GARNL3: variants seen among roughly 807,000 people sequenced by gnomAD.
GARNL3 encodes GTPase activating Rap/RanGAP domain like 3, also known as GTPase-activating Rap/Ran-GAP domain-like protein 3.
A neutral mutation model predicts 125.0 loss-of-function variants in GARNL3; 63 were observed. The observed-to-expected ratio is 0.50, with a 90% CI of 0.41 to 0.62. The LOEUF is 0.62. Among genes scored for constraint, GARNL3 ranks in the 20% least tolerant of loss-of-function variants. The pLI, the probability that GARNL3 is intolerant of heterozygous loss-of-function variation, is 0.00. For synonymous variants in GARNL3, 439 were observed against 457.5 expected (o/e 0.96, Z 0.52); for missense variants, 994 against 1,244.0 (o/e 0.80, Z 3.02).
intron 9 of GARNL3, among the ~76,000 whole-genome samples, chr9:127,334,680 T>C (rs1316010329): frequency 3.9e-5 from 6 of 152,188 alleles, no homozygotes; most frequent in Non-Finnish European, 8.8e-5. Flanking sequence ...TATAATCTCA[T>C]TGAGTCTCCC....
intron 20 of GARNL3, among the ~76,000 whole-genome samples, chr9:127,356,221 TAAG>T (rs1444130025): frequency 1.3e-5 from 2 of 151,994 alleles, no homozygotes; most frequent in African/African-American, 4.8e-5. Flanking sequence ...AGGGTGGAAA[TAAG>T]AAGGCCTGCC....
intron 2 of GARNL3, among the ~76,000 whole-genome samples, chr9:127,256,882 G>A (rs188125709): frequency 2.3e-4 from 35 of 152,260 alleles, no homozygotes; most frequent in African/African-American, 8.2e-4. Context: ...TATTACATGT[G>A]TAGGTTCCTG....
intron 11 of GARNL3, 103 bp downstream of exon 11, chr9:127,336,339 A>G (rs1829555224): frequency 4.2e-6 from 3 of 719,040 alleles, no homozygotes; most frequent in South Asian, 3.6e-5. Flanking sequence ...CTTGTTTTGT[A>G]ATGCTAGCTT....
intron 4 of GARNL3, among the ~76,000 whole-genome samples, chr9:127,314,431 C>T (rs944842206): frequency 6.1e-4 from 93 of 152,332 alleles, no homozygotes; most frequent in African/African-American, 2.2e-3. Flanking sequence ...GACAGATTTA[C>T]AGCATCCCAC....
In GARNL3 at chr9:127,320,651, A is replaced by G. The variant is rs2065371214; in HGVS notation, c.504-64A>G. ...AGGCCCTTTAGGGAAAACAGCTGTG[A>G]TTTTCTAGAAGCTCCTTTTTAGCTT... On this transcript the variant is annotated intron_variant, in intron 5 of 27. Coordinates refer to ENST00000373387, the MANE Select transcript of GARNL3 (RefSeq NM_032293.5). 6 of 1,163,778 alleles carry G rather than the reference A, an allele frequency of 5.2e-6. No homozygotes were observed. The Admixed American group carries it at 1.1e-4, about 22-fold the overall frequency. 72.1% of individuals were successfully genotyped at this position (1,163,778 alleles called of 1,614,324 possible).
At chr9:127,230,978 G>GTATACACATATATGTATA (rs1445327437) in intron 1 of GARNL3, among the ~76,000 whole-genome samples, 1 of 132,376 alleles carries the variant, frequency 7.6e-6, no homozygotes, top group South Asian at 2.3e-4. Flanking sequence ...GTGTGTGTGT[G>GTATACACATATATGTATA]TATACACATA....
At chr9:127,284,166 C>T (rs887810573) in intron 1 of GARNL3, among the ~76,000 whole-genome samples, 1 of 152,096 alleles carries the variant, frequency 6.6e-6, no homozygotes, top group African/African-American at 2.4e-5. Flanking sequence ...CTTTGTGGGG[C>T]AGTGTTGTGA....
At chr9:127,235,977 GT>G (rs1439087944) in intron 1 of GARNL3, among the ~76,000 whole-genome samples, 1 of 152,204 alleles carries the variant, frequency 6.6e-6, no homozygotes, top group Non-Finnish European at 1.5e-5. Context: ...TCTGATGGAA[GT>G]GATCCAAAAA....
At chr9:127,227,015 C>A (rs2062925702) in intron 1 of GARNL3, among the ~76,000 whole-genome samples, 1 of 152,254 alleles carries the variant, frequency 6.6e-6, no homozygotes, top group East Asian at 1.9e-4. Context: ...TGTGGCCATG[C>A]AGCACTTGTA....
At chr9:127,338,851 C>T (rs547349140) in intron 12 of GARNL3, among the ~76,000 whole-genome samples, 151 of 152,250 alleles carry the variant, frequency 9.9e-4, no homozygotes, top group Non-Finnish European at 1.8e-3. Flanking sequence ...GTAGTGGCCT[C>T]GGCCCTGGCA....
chr9:127,268,700 C>G (rs1191758117), intron 1 of GARNL3, among the ~76,000 whole-genome samples: 1 of 152,192 alleles, frequency 6.6e-6, no homozygotes, highest in Non-Finnish European at 1.5e-5. Context: ...AAATGAAACT[C>G]TTTATCAATT....
At chr9:127,263,847 C>A, upstream of GARNL3, 1 of 1,323,800 alleles carries the variant, frequency 7.6e-7, no homozygotes, top group South Asian at 2.3e-5. Flanking sequence ...AATCTCATTT[C>A]TCTCATGCTG....
chr9:127,297,381 C>T (rs1407087389), intron 2 of GARNL3, among the ~76,000 whole-genome samples: 3 of 152,116 alleles, frequency 2.0e-5, no homozygotes, highest in Non-Finnish European at 4.4e-5. Flanking sequence ...TCAAGTAATT[C>T]GCCCACCTCA....
intron 22 of GARNL3, among the ~76,000 whole-genome samples, chr9:127,367,797 T>C (rs1445034971): frequency 1.3e-5 from 2 of 152,156 alleles, no homozygotes; most frequent in Non-Finnish European, 2.9e-5. Flanking sequence ...GATGCGATCA[T>C]ATTTAACCTC....
At chr9:127,355,494 T>A in intron 20 of GARNL3, 22 bp downstream of exon 20, 1 of 1,609,524 alleles carries the variant, frequency 6.2e-7, no homozygotes, top group Middle Eastern at 1.7e-4. Flanking sequence ...CTTTAAATCA[T>A]TTATCTCCCA....
intron 1 of GARNL3, among the ~76,000 whole-genome samples, chr9:127,228,969 A>G (rs1250329333): frequency 6.6e-6 from 1 of 152,080 alleles, no homozygotes; most frequent in African/African-American, 2.4e-5. Flanking sequence ...TTACAGGCGC[A>G]TGCCACCACA....
At position 127,339,617 on chromosome 9, in the gene GARNL3, TATTA is replaced by T. The variant is rs780976601; in HGVS notation, c.1029-24_1029-21del. 179 of 1,495,384 alleles carry T rather than the reference TATTA, an allele frequency of 1.2e-4. 2 individuals carry two copies. The highest frequency in any genetic ancestry group is 4.4e-5 in the Non-Finnish European group (47 of 1,071,638). 92.6% of individuals were successfully genotyped at this position (1,495,384 alleles called of 1,614,324 possible). ...ACAGCCAAACCATATCAAGTGCTAA[TATTA>T]ATTCTGCAATATTCTCTACTTAGGC... On this transcript the variant is annotated intron_variant, in intron 12 of 27. Coordinates refer to ENST00000373387, the MANE Select transcript of GARNL3 (RefSeq NM_032293.5).
chr9:127,331,836 A>G (rs963351247), intron 7 of GARNL3, among the ~76,000 whole-genome samples: 1 of 150,546 alleles, frequency 6.6e-6, no homozygotes, highest in Non-Finnish European at 1.5e-5. Flanking sequence ...TGTGTCTAAA[A>G]GAGTCCACAA....
At chr9:127,276,506 T>C (rs1460612369) in intron 1 of GARNL3, among the ~76,000 whole-genome samples, 1 of 152,212 alleles carries the variant, frequency 6.6e-6, no homozygotes, top group Non-Finnish European at 1.5e-5. Flanking sequence ...GTCTTAAAAT[T>C]GGTGACTCCC....
Sources: gnomAD v4.1 joint callset for allele counts (sites outside exome capture counted in the v4.1 genomes callset) on GRCh38, gnomAD v4.1.1 for gene constraint, MANE v1.5 for transcripts, NCBI Gene and HGNC (gene_info 2026-07-23, HGNC 2026-07-21) for gene names.